GABRB3: variants seen among roughly 807,000 people sequenced by gnomAD.
GABRB3 encodes gamma-aminobutyric acid receptor subunit beta-3.
Under a neutral mutation model 52.1 loss-of-function variants are expected in GABRB3, and 14 were observed. The observed-to-expected ratio is 0.27, with a 90% CI of 0.18 to 0.42. The LOEUF is 0.42. Among genes scored for constraint, GABRB3 ranks in the 10% least tolerant of loss-of-function variants. GABRB3 has a pLI of 1.00. For missense variants in GABRB3, 307 were observed against 609.1 expected (o/e 0.50, Z 5.22); for synonymous variants, 260 against 232.3 (o/e 1.12, Z -1.08).
chr15:26,709,532 T>TTTTTC (rs1889222815), intron 3 of GABRB3, among the ~76,000 whole-genome samples: 1 of 143,988 alleles, frequency 6.9e-6, no homozygotes, highest in African/African-American at 2.5e-5. Context: ...TTTTTTTTTT[T>TTTTTC]TTTTTGAGAC....
intron 3 of GABRB3, among the ~76,000 whole-genome samples, chr15:26,706,243 C>T (rs912546793): frequency 2.0e-5 from 3 of 152,228 alleles, no homozygotes; most frequent in South Asian, 2.1e-4. Context: ...CCTGGCACAG[C>T]GCCTGAGGCA....
In GABRB3 at chr15:26,629,223, T is replaced by C. The variant is rs951732373; in HGVS notation, c.241-7689A>G. ...AGCGGCGGCAATCAGGGGCGGGGCC[T>C]GGAAAGGAGGGCAGCGCGGAAGCTT... On this transcript the variant is annotated intron_variant, in intron 3 of 8. Transcript: ENST00000311550. 2.5e-4 allele frequency: 360 copies of C among 1,416,064 alleles called. 1 individual carries two copies. Among genetic ancestry groups the C allele is most frequent in the Non-Finnish European group, 3.2e-4 (340 of 1,077,240 alleles). The allele number at this position is 1,416,064 out of a possible 1,614,324, so 87.7% of individuals were successfully genotyped here. A position where few individuals can be genotyped will look rare whatever the true frequency, so the allele number is the denominator to read the frequency against.
chr15:26,663,029 A>T (rs1887597821), intron 3 of GABRB3, among the ~76,000 whole-genome samples: 1 of 152,146 alleles, frequency 6.6e-6, no homozygotes, highest in Admixed American at 6.5e-5. Flanking sequence ...TCCACAGATC[A>T]CATTCAGATT....
chr15:26,761,829 C>CTTAT (rs565059435), intron 3 of GABRB3, among the ~76,000 whole-genome samples: 3,298 of 152,048 alleles, frequency 0.022, 42 homozygotes, highest in Middle Eastern at 0.092. Flanking sequence ...CTCTATCCCT[C>CTTAT]TTATTTATTT....
intron 4 of GABRB3, chr15:26,616,114 C>A: frequency 7.9e-7 from 1 of 1,268,242 alleles, no homozygotes; most frequent in Non-Finnish European, 1.0e-6. Context: ...TGGCCCACTC[C>A]GGGCCTGCCA....
At chr15:26,758,699 T>C (rs571627743) in intron 3 of GABRB3, among the ~76,000 whole-genome samples, 21 of 152,076 alleles carry the variant, frequency 1.4e-4, no homozygotes, top group African/African-American at 3.9e-4. Flanking sequence ...TTTGGTTACA[T>C]TGGGAACAAA....
chr15:26,692,543 ACT>A (rs1010200424), intron 3 of GABRB3, among the ~76,000 whole-genome samples: 1 of 151,990 alleles, frequency 6.6e-6, no homozygotes, highest in African/African-American at 2.4e-5. Context: ...AAGTATTTTG[ACT>A]CTAGCTTGGA....
intron 3 of GABRB3, among the ~76,000 whole-genome samples, chr15:26,688,503 T>C (rs573275588): frequency 6.6e-6 from 1 of 152,180 alleles, no homozygotes; most frequent in Non-Finnish European, 1.5e-5. Flanking sequence ...GGGTGGGGCA[T>C]AAAGAATTCA....
At chr15:26,756,003 G>A (rs1399333830) in intron 3 of GABRB3, among the ~76,000 whole-genome samples, 2 of 151,886 alleles carry the variant, frequency 1.3e-5, no homozygotes, top group African/African-American at 4.8e-5. Context: ...TAGCACAAGA[G>A]TATCTATAAT....
At chr15:26,766,232 A>T (rs1019445760) in intron 3 of GABRB3, among the ~76,000 whole-genome samples, 1 of 152,230 alleles carries the variant, frequency 6.6e-6, no homozygotes, top group Non-Finnish European at 1.5e-5. Flanking sequence ...TGCAATGATC[A>T]GCATGCATAA....
chr15:26,712,838 C>A (rs898923078), intron 3 of GABRB3, among the ~76,000 whole-genome samples: 1 of 152,096 alleles, frequency 6.6e-6, no homozygotes. Flanking sequence ...ATATCGTGGC[C>A]GGAGCAGAGG....
chr15:26,749,060 A>C (rs1024359558), intron 3 of GABRB3, among the ~76,000 whole-genome samples: 1 of 149,114 alleles, frequency 6.7e-6, no homozygotes, highest in Non-Finnish European at 1.5e-5. Context: ...ATAAGACAAA[A>C]TCATCTGCTT....
chr15:26,700,393 T>A (rs1469586295), intron 3 of GABRB3, among the ~76,000 whole-genome samples: 1 of 151,718 alleles, frequency 6.6e-6, no homozygotes, highest in African/African-American at 2.4e-5. Flanking sequence ...CTACCAAGCA[T>A]ATAAGGAAGA....
intron 7 of GABRB3, among the ~76,000 whole-genome samples, chr15:26,566,471 C>A (rs1284081705): frequency 6.6e-6 from 1 of 152,124 alleles, no homozygotes; most frequent in East Asian, 1.9e-4. Context: ...CACGCATATA[C>A]TCCTAGCACT....
chr15:26,716,464 C>T, intron 3 of GABRB3: 1 of 392,182 alleles, frequency 2.5e-6, no homozygotes, highest in Non-Finnish European at 3.5e-6. Context: ...CATGCAGCAC[C>T]TAACCCATCT....
At chr15:26,772,597 C>CG in intron 2 of GABRB3, 84 bp downstream of exon 2, 1 of 1,431,954 alleles carries the variant, frequency 7.0e-7, no homozygotes. Context: ...CGCTGCTCCG[C>CG]GGATGCGGCC....
At chr15:26,747,288 G>A (rs776179845) in intron 3 of GABRB3, among the ~76,000 whole-genome samples, 16 of 152,148 alleles carry the variant, frequency 1.1e-4, no homozygotes, top group Admixed American at 9.8e-4. Flanking sequence ...CTTTGATAGG[G>A]ACTGCATAAA....
intron 3 of GABRB3, among the ~76,000 whole-genome samples, chr15:26,740,500 T>G (rs1445492921): frequency 6.6e-6 from 1 of 151,940 alleles, no homozygotes. Context: ...AAGGAGCACC[T>G]GCATCTGAGG....
rs551550651 is a variant in GABRB3, at chr15:26,767,255, G to A, written c.240+5147C>T. 2.8e-5 allele frequency: 4 copies of A among 145,452 alleles called. No homozygotes were observed. In the East Asian group the frequency reaches 7.7e-4, roughly 28 times the overall value. The allele number at this position is 145,452 out of a possible 1,614,324, so 9.0% of individuals were successfully genotyped here. On this transcript the variant is annotated intron_variant, in intron 3 of 8. Transcript: ENST00000311550. ...GTTTTCCAACCCCAACTGGGTCAGGGAAACGCTTCCTTTCTGCTGAGTCAT... is the reference window on the plus strand; with the variant it reads ...GTTTTCCAACCCCAACTGGGTCAGGAAAACGCTTCCTTTCTGCTGAGTCAT...
Sources: gnomAD v4.1 joint callset for allele counts (sites outside exome capture counted in the v4.1 genomes callset) on GRCh38, gnomAD v4.1.1 for gene constraint, MANE v1.5 for transcripts, NCBI Gene and HGNC (gene_info 2026-07-23, HGNC 2026-07-21) for gene names.